The following DOCK1 variants were observed in gnomAD, a reference collection of about 807,000 sequenced individuals.
DOCK1 encodes the protein dedicator of cytokinesis 1, also known as dedicator of cytokinesis protein 1.
Under a neutral mutation model 262.7 loss-of-function variants are expected in DOCK1, and 138 were observed. The observed-to-expected ratio is 0.53, with a 90% confidence interval of 0.46 to 0.61. The LOEUF is 0.61. Among genes scored for constraint, DOCK1 ranks in the 20% least tolerant of loss-of-function variants. DOCK1 has a pLI of 0.00. For synonymous variants in DOCK1, 866 were observed against 867.4 expected, an observed-to-expected ratio of 1.00 and a Z score of 0.03; for missense variants, 1,908 against 2,370.7, an observed-to-expected ratio of 0.80 and a Z score of 4.05.
intron 31 of DOCK1, among the ~76,000 whole-genome samples, chr10:127,353,083 C>CCA (rs2063965129): frequency 6.6e-6 from 1 of 152,126 alleles, no homozygotes; most frequent in African/African-American, 2.4e-5. Context: ...CTTTCTGATG[C>CCA]CACTTTCCTG....
chr10:127,050,410 C>A (rs1322791604), intron 21 of DOCK1, among the ~76,000 whole-genome samples: 1 of 99,396 alleles, frequency 1.0e-5, no homozygotes, highest in Non-Finnish European at 2.4e-5. Context: ...CCACTTTACC[C>A]TCTAAAAAAT....
chr10:127,188,405 G>A (rs2056469673), intron 27 of DOCK1, among the ~76,000 whole-genome samples: 1 of 152,168 alleles, frequency 6.6e-6, no homozygotes, highest in Non-Finnish European at 1.5e-5. Context: ...TATATTTCTG[G>A]TTGGAGACGC....
Position 127,283,132 on chromosome 10 carries a change from G to A in DOCK1, c.3044+25703G>A, listed in dbSNP as rs75750665. 3.2e-3 allele frequency among the ~76,000 whole-genome samples: 492 copies of A among 152,352 alleles called. 1 individual carries two copies. The highest frequency in any genetic ancestry group is 0.01 in the African/African-American group (425 of 41,596). Reference sequence around the variant, plus strand: ...ACCTCCTGCTTTGCTCTGGAAGGAGGCCTTGAAGGCCAGTTGGAAGTTCTG... The same window carrying A: ...ACCTCCTGCTTTGCTCTGGAAGGAGACCTTGAAGGCCAGTTGGAAGTTCTG... On this transcript the variant is annotated intron_variant, in intron 29 of 51. Transcript: ENST00000623213.
At chr10:127,153,118 T>C (rs1026165146) in intron 27 of DOCK1, among the ~76,000 whole-genome samples, 13 of 152,242 alleles carry the variant, frequency 8.5e-5, no homozygotes, top group African/African-American at 3.1e-4. Flanking sequence ...GTCTAAACTT[T>C]AGAAAAAGAA....
At chr10:127,407,728 G>C (rs1424538559) in intron 40 of DOCK1, among the ~76,000 whole-genome samples, 1 of 152,122 alleles carries the variant, frequency 6.6e-6, no homozygotes, top group African/African-American at 2.4e-5. Flanking sequence ...ATGGGGCAGG[G>C]CTGCAGCTGA....
In DOCK1 at chr10:127,095,661, C is replaced by G. The variant is rs138739275; in HGVS notation, c.2446-10570C>G. Among the ~76,000 whole-genome samples the G allele has an allele frequency of 5.4e-3, 804 of 148,186 alleles. 5 individuals carry two copies. Among genetic ancestry groups the G allele is most frequent in the Non-Finnish European group, 1.0e-2 (666 of 66,898 alleles). On this transcript the variant is annotated intron_variant, in intron 23 of 51. Transcript: ENST00000623213. ...TGACACAACCACGTGGGCCAGGAAG[C>G]TGTGTGTGTGTGTGTGTGTGTGTGT...
At chr10:126,964,244 G>A (rs2037492891) in intron 1 of DOCK1, among the ~76,000 whole-genome samples, 2 of 152,216 alleles carry the variant, frequency 1.3e-5, no homozygotes, top group African/African-American at 2.4e-5. Flanking sequence ...TCAGTGAAAG[G>A]TTGTTCCTTG....
At chr10:127,425,343 T>C (rs2068750142) in intron 46 of DOCK1, among the ~76,000 whole-genome samples, 1 of 152,174 alleles carries the variant, frequency 6.6e-6, no homozygotes, top group Non-Finnish European at 1.5e-5. Flanking sequence ...GGAAGTGAAG[T>C]GTTGGCATGG....
At chr10:127,159,912 C>T (rs1400865033) in intron 27 of DOCK1, among the ~76,000 whole-genome samples, 1 of 152,146 alleles carries the variant, frequency 6.6e-6, no homozygotes, top group East Asian at 1.9e-4. Flanking sequence ...GGCATCTGCT[C>T]TTTCATGCTG....
At chr10:127,204,815 C>T (rs571316033) in intron 27 of DOCK1, among the ~76,000 whole-genome samples, 87 of 152,232 alleles carry the variant, frequency 5.7e-4, no homozygotes, top group Non-Finnish European at 1.0e-3. Flanking sequence ...TTTGAGAGGC[C>T]GTGATAGCCG....
At chr10:127,058,024 G>A (rs1272100933) in intron 22 of DOCK1, among the ~76,000 whole-genome samples, 1 of 152,160 alleles carries the variant, frequency 6.6e-6, no homozygotes, top group Admixed American at 6.5e-5. Context: ...GATCAAAAAA[G>A]TGGTTCTCCC....
intron 29 of DOCK1, among the ~76,000 whole-genome samples, chr10:127,263,500 A>G (rs1288046661): frequency 6.6e-6 from 1 of 152,142 alleles, no homozygotes; most frequent in East Asian, 1.9e-4. Flanking sequence ...GTGCTCTAGG[A>G]TATGAGAGTA....
chr10:127,307,233 T>C (rs2061907752), intron 29 of DOCK1, among the ~76,000 whole-genome samples: 1 of 152,212 alleles, frequency 6.6e-6, no homozygotes, highest in African/African-American at 2.4e-5. Context: ...TGAAGCTCCT[T>C]CCTGCTTTGG....
At chr10:127,302,597 A>G (rs1027120889) in intron 29 of DOCK1, among the ~76,000 whole-genome samples, 2 of 152,202 alleles carry the variant, frequency 1.3e-5, no homozygotes, top group Non-Finnish European at 2.9e-5. Flanking sequence ...CTCAGGAAGT[A>G]GAGTGCTGAG....
At chr10:127,212,505 C>T (rs751610273) in intron 27 of DOCK1, among the ~76,000 whole-genome samples, 17 of 152,100 alleles carry the variant, frequency 1.1e-4, no homozygotes, top group Non-Finnish European at 2.2e-4. Flanking sequence ...CAGGTGCGAA[C>T]GGTGGAGGAC....
intron 10 of DOCK1, among the ~76,000 whole-genome samples, chr10:127,005,761 G>T (rs2040969207): frequency 1.3e-5 from 2 of 152,002 alleles, no homozygotes; most frequent in Non-Finnish European, 2.9e-5. Flanking sequence ...TTTTCTGTGT[G>T]TGGCATATGA....
intron 12 of DOCK1, among the ~76,000 whole-genome samples, chr10:127,017,246 C>T (rs773049034): frequency 1.4e-5 from 2 of 143,788 alleles, no homozygotes; most frequent in Non-Finnish European, 3.1e-5. Flanking sequence ...CAGATACAGA[C>T]AGCCCCTTCC....
At chr10:127,135,735 A>T (rs985052368) in intron 27 of DOCK1, 1 of 151,514 alleles carries the variant, frequency 6.6e-6, no homozygotes, top group African/African-American at 2.4e-5. Flanking sequence ...TTTTAATTTT[A>T]TTTTTTTTTG....
intron 29 of DOCK1, among the ~76,000 whole-genome samples, chr10:127,294,268 T>A (rs551938641): frequency 6.6e-6 from 1 of 152,328 alleles, no homozygotes; most frequent in East Asian, 1.9e-4. Context: ...TTATTTGCAC[T>A]AAATGTGGTT....
Sources: allele counts gnomAD v4.1 joint callset (sites outside exome capture counted in the v4.1 genomes callset), GRCh38; gene constraint gnomAD v4.1.1; transcripts MANE v1.5; gene names NCBI Gene and HGNC (gene_info 2026-07-23, HGNC 2026-07-21).